The following PLAAT1 variants were observed in gnomAD, a reference collection of about 807,000 sequenced individuals.
PLAAT1 encodes the protein H-REV107 protein-related protein.
In PLAAT1, 13 loss-of-function variants were observed where a neutral mutation model predicts 16.4. That is an observed-to-expected ratio of 0.79 (90% CI 0.52 to 1.26). The LOEUF is 1.26. Ranked by LOEUF, PLAAT1 falls within the 50% of genes most tolerant of loss-of-function variation. The pLI, the probability that PLAAT1 is intolerant of heterozygous loss-of-function variation, is 0.00. For missense variants in PLAAT1, 218 were observed against 207.8 expected (o/e 1.05, Z -0.30); for synonymous variants, 73 against 78.4 (o/e 0.93, Z 0.36).
At chr3:193,255,904 A>T (rs1560101448) in intron 2 of PLAAT1, 115 bp downstream of exon 2, 2 of 1,006,620 alleles carry the variant, frequency 2.0e-6, no homozygotes, top group African/African-American at 3.3e-5. Flanking sequence ...TAGAAAGCAG[A>T]TAAATCCAAC....
chr3:193,266,979 G>A (rs769579305), intron 3 of PLAAT1, among the ~76,000 whole-genome samples: 1 of 150,576 alleles, frequency 6.6e-6, no homozygotes, highest in South Asian at 2.1e-4. Flanking sequence ...CATAAAAAAG[G>A]TGAGAAGGGT....
At chr3:193,245,403 A>G (rs990868908) in intron 1 of PLAAT1, among the ~76,000 whole-genome samples, 2 of 152,194 alleles carry the variant, frequency 1.3e-5, no homozygotes, top group African/African-American at 2.4e-5. Flanking sequence ...AGTTATTTCA[A>G]TGTGTATATG....
downstream of PLAAT1, chr3:193,275,025 TACG>T: frequency 6.2e-7 from 1 of 1,613,640 alleles, no homozygotes; most frequent in South Asian, 1.1e-5. Flanking sequence ...GTTGAGCATG[TACG>T]ACGACAATTC....
In PLAAT1 at chr3:193,270,641, C is replaced by T; in HGVS notation, c.443C>T (p.Ala148Val). Residue 148 changes from alanine (A) to valine (V), a missense_variant, in exon 4 of 4, where the codon GCT (alanine) becomes GTT (valine). Physicochemically the swap from Ala to Val is moderately conservative, Grantham distance 64 (BLOSUM62 0). Coordinates refer to ENST00000264735, the MANE Select transcript of PLAAT1 (RefSeq NM_020386.5). ...ATAAGTACCGTTGAGTTTGTGACAG[C>T]TGCTGTTGGTGTCTTCTCATTCCTG... The part of the protein sequence containing the change: ...RAISTVEFVT[A>V]AVGVFSFLGL... The T allele has an allele frequency of 1.2e-6, 2 of 1,613,558 alleles. No homozygotes were observed. Among genetic ancestry groups the T allele is most frequent in the Non-Finnish European group, 1.7e-6 (2 of 1,179,610 alleles).
At chr3:193,243,094 A>G (rs1461295274) in intron 1 of PLAAT1, among the ~76,000 whole-genome samples, 1 of 152,238 alleles carries the variant, frequency 6.6e-6, no homozygotes, top group Non-Finnish European at 1.5e-5. Context: ...CCAGTTGGCC[A>G]GTTGAAATGG....
chr3:193,258,725 A>T (rs138462580), intron 2 of PLAAT1, among the ~76,000 whole-genome samples: 28 of 152,182 alleles, frequency 1.8e-4, no homozygotes, highest in African/African-American at 6.5e-4. Flanking sequence ...GAAGACCAAT[A>T]ACAAGTTCCA....
At chr3:193,275,584 C>A (rs931118156), downstream of PLAAT1, among the ~76,000 whole-genome samples, 15 of 142,548 alleles carry the variant, frequency 1.1e-4, no homozygotes, top group African/African-American at 3.7e-4. Context: ...TCCCCTCAGA[C>A]TGAAATGGTA....
At position 193,241,271 on chromosome 3, in the gene PLAAT1, G is replaced by C. The variant is rs914248055; in HGVS notation, c.-263G>C. The C allele has an allele frequency of 4.1e-6, 5 of 1,229,020 alleles. No individual in the cohort carries two copies. In the African/African-American group the frequency reaches 6.2e-5, roughly 15 times the overall value. The allele number at this position is 1,229,020 out of a possible 1,614,324, so 76.1% of individuals were successfully genotyped here. Reference sequence around the variant, plus strand: ...AGCGCCCGGACGCCGAGCCCAGCGCGTCGGCCCCCCGGCGTGCGGGCGTCT... The same window carrying C: ...AGCGCCCGGACGCCGAGCCCAGCGCCTCGGCCCCCCGGCGTGCGGGCGTCT... On this transcript the variant is annotated 5_prime_UTR_variant, in exon 1 of 4. Transcript: ENST00000264735.
chr3:193,262,340 G>C (rs1411212080), intron 2 of PLAAT1, among the ~76,000 whole-genome samples: 1 of 100,178 alleles, frequency 1.0e-5, no homozygotes, highest in Non-Finnish European at 2.0e-5. Flanking sequence ...GACTTAGGGG[G>C]CTTTTTTTTT....
In PLAAT1 at chr3:193,244,787, GTC is replaced by G. The variant is rs556081698; in HGVS notation, c.-1+3260_-1+3261del. Among the ~76,000 whole-genome samples the G allele has an allele frequency of 1.6e-4, 24 of 152,114 alleles. No homozygotes were observed. The East Asian group carries it at 4.1e-3, about 26-fold the overall frequency. ...TGAGTATGCTACCTTGCTAGCTTAG[GTC>G]TCTCTTCCTGTGATAAAGCCACTAG... On this transcript the variant is annotated intron_variant, in intron 1 of 3. Coordinates refer to ENST00000264735, the MANE Select transcript of PLAAT1 (RefSeq NM_020386.5).
downstream of PLAAT1, among the ~76,000 whole-genome samples, chr3:193,273,851 T>C (rs1577315233): frequency 6.6e-6 from 1 of 152,180 alleles, no homozygotes; most frequent in Non-Finnish European, 1.5e-5. Flanking sequence ...TAAGATTGTT[T>C]AGTAGCCTGA....
downstream of PLAAT1, chr3:193,274,943 A>G (rs779694621): frequency 6.9e-5 from 103 of 1,483,426 alleles, no homozygotes; most frequent in Middle Eastern, 2.0e-4. Flanking sequence ...GCTTGAATGG[A>G]GAGAGGAAAG....
chr3:193,248,126 TATG>T (rs1716051027), intron 1 of PLAAT1, among the ~76,000 whole-genome samples: 2 of 152,190 alleles, frequency 1.3e-5, no homozygotes, highest in African/African-American at 2.4e-5. Context: ...ATATTTTCTT[TATG>T]AATTGACCCC....
At chr3:193,281,074 A>C (rs1432920614), downstream of PLAAT1, 2 of 423,388 alleles carry the variant, frequency 4.7e-6, no homozygotes, top group Non-Finnish European at 6.3e-6. Context: ...AGTGCTTGGG[A>C]AGGGTATGAG....
rs1403127913 is a variant in PLAAT1, at chr3:193,270,086, ACACAC to A, written c.406-517_406-513del. ...ATCCCTGAAACACACACACACACAC[ACACAC>A]ACACACACACACACTCTTACACGAT... On this transcript the variant is annotated intron_variant, in intron 3 of 3. Transcript: ENST00000264735. Among the ~76,000 whole-genome samples, 1,292 of 152,024 alleles carry A rather than the reference ACACAC, an allele frequency of 8.5e-3. 22 individuals are homozygous for A. Among genetic ancestry groups the A allele is most frequent in the African/African-American group, 0.03 (1,241 of 41,474 alleles).
At chr3:193,271,503 A>G (rs1282351172), downstream of PLAAT1, among the ~76,000 whole-genome samples, 1 of 152,212 alleles carries the variant, frequency 6.6e-6, no homozygotes, top group Non-Finnish European at 1.5e-5. Flanking sequence ...AAGGAATGTC[A>G]TAATTTTATT....
intron 3 of PLAAT1, among the ~76,000 whole-genome samples, chr3:193,269,963 T>C (rs1716926247): frequency 6.6e-6 from 1 of 152,152 alleles, no homozygotes; most frequent in African/African-American, 2.4e-5. Flanking sequence ...TATTGGCTTT[T>C]TTTGAAATTT....
chr3:193,250,769 A>G (rs1476639797), intron 1 of PLAAT1, among the ~76,000 whole-genome samples: 1 of 152,158 alleles, frequency 6.6e-6, no homozygotes, highest in African/African-American at 2.4e-5. Context: ...AAAGCAAGCC[A>G]TAGGGGAAGG....
intron 1 of PLAAT1, among the ~76,000 whole-genome samples, chr3:193,252,024 A>G (rs189768566): frequency 6.6e-6 from 1 of 152,272 alleles, no homozygotes; most frequent in Non-Finnish European, 1.5e-5. Context: ...GGAATATTTG[A>G]GACTGCGTAA....
Sources: allele counts gnomAD v4.1 joint callset (sites outside exome capture counted in the v4.1 genomes callset), GRCh38; gene constraint gnomAD v4.1.1; transcripts MANE v1.5; gene names NCBI Gene and HGNC (gene_info 2026-07-23, HGNC 2026-07-21).